CDH13: variants seen among roughly 807,000 people sequenced by gnomAD.
CDH13 encodes the protein cadherin-13.
A neutral mutation model predicts 63.8 loss-of-function variants in CDH13; 24 were observed. The observed-to-expected ratio is 0.38, with a 90% CI of 0.27 to 0.53. The LOEUF (loss-of-function observed/expected upper bound fraction) is 0.53. Among genes scored for constraint, CDH13 ranks in the 20% least tolerant of loss-of-function variants. The pLI, the probability that CDH13 is intolerant of heterozygous loss-of-function variation, is 0.85. For synonymous variants in CDH13, 503 were observed against 355.3 expected, an observed-to-expected ratio of 1.42 and a Z score of -4.67; for missense variants, 1,049 against 903.1, an observed-to-expected ratio of 1.16 and a Z score of -2.07.
intron 7 of CDH13, among the ~76,000 whole-genome samples, chr16:83,554,919 C>CTTTTT (rs200979734): frequency 3.0e-5 from 4 of 133,804 alleles, no homozygotes; most frequent in Admixed American, 1.5e-4. Context: ...ACTGCTGAAT[C>CTTTTT]TTTTTTTTTT....
At chr16:83,752,314 A>C (rs1486541239) in intron 11 of CDH13, among the ~76,000 whole-genome samples, 3 of 152,346 alleles carry the variant, frequency 2.0e-5, no homozygotes, top group Admixed American at 2.0e-4. Flanking sequence ...CCTTCTTTAC[A>C]TGTATGCAGT....
chr16:82,696,153 T>C (rs2030261736), intron 1 of CDH13, among the ~76,000 whole-genome samples: 2 of 152,238 alleles, frequency 1.3e-5, no homozygotes, highest in Admixed American at 1.3e-4. Context: ...ATGAAATCTT[T>C]AGTTTGCTGT....
At chr16:83,211,969 T>A (rs926918707) in intron 4 of CDH13, among the ~76,000 whole-genome samples, 3 of 152,120 alleles carry the variant, frequency 2.0e-5, no homozygotes, top group Admixed American at 1.3e-4. Context: ...AATAGGAAGT[T>A]CTCGCTAACT....
In CDH13 at chr16:83,376,071, C is replaced by A. The variant is rs548367153; in HGVS notation, c.781+31065C>A. On this transcript the variant is annotated intron_variant, in intron 6 of 13. Coordinates refer to ENST00000567109, the MANE Select transcript of CDH13 (RefSeq NM_001257.5). ...ACTGTATTGTGAAGAATCTTTCTTA[C>A]TTATTCCTTGGCTCTGCTTTTCTCT... is the stretch of plus-strand genomic sequence containing the variant. Among the ~76,000 whole-genome samples the A allele has an allele frequency of 2.0e-5, 3 of 152,276 alleles. No individual in the cohort carries two copies. In the East Asian group the frequency reaches 5.8e-4, roughly 29 times the overall value.
At chr16:82,759,902 A>G (rs551706430) in intron 1 of CDH13, among the ~76,000 whole-genome samples, 4 of 152,204 alleles carry the variant, frequency 2.6e-5, no homozygotes, top group South Asian at 2.1e-4. Flanking sequence ...CCAAGCCCCA[A>G]TCCACATTTT....
intron 5 of CDH13, among the ~76,000 whole-genome samples, chr16:83,236,579 C>G (rs1044890439): frequency 6.6e-6 from 1 of 152,082 alleles, no homozygotes; most frequent in Non-Finnish European, 1.5e-5. Context: ...TGCTGCAAGG[C>G]TATTCTGGAA....
intron 1 of CDH13, among the ~76,000 whole-genome samples, chr16:82,837,745 G>A (rs918657): frequency 0.31 from 46,448 of 152,058 alleles, 8,551 homozygotes; most frequent in East Asian, 0.81. Flanking sequence ...AGCTGGTCAC[G>A]TAGACAGCCT....
intron 1 of CDH13, among the ~76,000 whole-genome samples, chr16:82,639,178 T>G (rs1909072275): frequency 6.6e-6 from 1 of 152,212 alleles, no homozygotes; most frequent in Non-Finnish European, 1.5e-5. Context: ...TTGTCTATTT[T>G]GTTCTCTACC....
chr16:82,781,286 C>T (rs746568729), intron 1 of CDH13, among the ~76,000 whole-genome samples: 1 of 152,200 alleles, frequency 6.6e-6, no homozygotes, highest in Non-Finnish European at 1.5e-5. Context: ...TCTCTATATT[C>T]GTCCAGCTTT....
rs1409570990 is a variant in CDH13 at position 83,527,189 on chromosome 16, C to T, written c.960+40534C>T. 3.3e-5 allele frequency among the ~76,000 whole-genome samples: 5 copies of T among 152,102 alleles called. No homozygotes were observed. The East Asian group carries it at 7.7e-4, about 24-fold the overall frequency. ...TTAAGGCTGGGCGTGCTGGCTCACACCTGTAATCTCAGTGCTTTGGGAGGC... is the reference window on the plus strand; with the variant it reads ...TTAAGGCTGGGCGTGCTGGCTCACATCTGTAATCTCAGTGCTTTGGGAGGC... On this transcript the variant is annotated intron_variant, in intron 7 of 13. Coordinates refer to ENST00000567109, the MANE Select transcript of CDH13 (RefSeq NM_001257.5).
intron 1 of CDH13, among the ~76,000 whole-genome samples, chr16:82,794,251 T>C (rs182558584): frequency 6.6e-5 from 10 of 151,574 alleles, no homozygotes; most frequent in Admixed American, 5.9e-4. Context: ...ATTCTTCTTC[T>C]TCCACTGTGG....
At chr16:83,647,868 C>T (rs999178790) in intron 8 of CDH13, among the ~76,000 whole-genome samples, 4 of 152,128 alleles carry the variant, frequency 2.6e-5, no homozygotes, top group African/African-American at 9.7e-5. Flanking sequence ...TTGATAGCCA[C>T]GATCCCCATT....
chr16:82,809,703 C>T (rs913023421), intron 1 of CDH13, among the ~76,000 whole-genome samples: 1 of 151,968 alleles, frequency 6.6e-6, no homozygotes, highest in African/African-American at 2.4e-5. Flanking sequence ...TTATGGTTAC[C>T]ATCTTTGTTC....
At chr16:82,874,544 G>C (rs1174759087) in intron 2 of CDH13, among the ~76,000 whole-genome samples, 2 of 151,936 alleles carry the variant, frequency 1.3e-5, no homozygotes, top group African/African-American at 4.8e-5. Flanking sequence ...AACTGTGCCT[G>C]TCAGCTGATT....
chr16:82,684,225 CTCAGA>C (rs1914837692), intron 1 of CDH13, among the ~76,000 whole-genome samples: 1 of 152,200 alleles, frequency 6.6e-6, no homozygotes, highest in African/African-American at 2.4e-5. Context: ...ATCCCTAGAG[CTCAGA>C]TCTAGGATTC....
chr16:83,339,642 T>C (rs1428087096), intron 5 of CDH13, among the ~76,000 whole-genome samples: 1 of 152,128 alleles, frequency 6.6e-6, no homozygotes, highest in Non-Finnish European at 1.5e-5. Context: ...TCAGGTCTCC[T>C]GAATCCAGGT....
At chr16:83,205,392 A>G (rs1008928665) in intron 4 of CDH13, among the ~76,000 whole-genome samples, 38 of 152,158 alleles carry the variant, frequency 2.5e-4, no homozygotes, top group African/African-American at 8.9e-4. Context: ...GAATGACCCA[A>G]AGATGACTCC....
chr16:83,122,419 A>G (rs1412859758), intron 3 of CDH13, among the ~76,000 whole-genome samples: 1 of 152,230 alleles, frequency 6.6e-6, no homozygotes, highest in Non-Finnish European at 1.5e-5. Flanking sequence ...AACACATTTA[A>G]TTAAAAATAT....
chr16:82,792,593 G>A (rs899533627), intron 1 of CDH13, among the ~76,000 whole-genome samples: 6 of 152,128 alleles, frequency 3.9e-5, no homozygotes, highest in African/African-American at 9.7e-5. Flanking sequence ...TAGAAGGCAA[G>A]TGTCATATGC....
Sources: gnomAD v4.1 joint callset for allele counts (sites outside exome capture counted in the v4.1 genomes callset) on GRCh38, gnomAD v4.1.1 for gene constraint, MANE v1.5 for transcripts, NCBI Gene and HGNC (gene_info 2026-07-23, HGNC 2026-07-21) for gene names.